Variants in ST8SIA6 observed in about 807,000 individuals in gnomAD.
The protein encoded by ST8SIA6 is alpha-2,8-sialyltransferase 8F.
In ST8SIA6, 39 loss-of-function variants were observed where a neutral mutation model predicts 33.6. The ratio of observed to expected loss-of-function variants is 1.16; its 90% CI spans 0.90 to 1.52. The LOEUF (loss-of-function observed/expected upper bound fraction) is 1.52, where lower values mean the gene tolerates loss of function less well. Ranked by LOEUF, ST8SIA6 falls within the 40% of genes most tolerant of loss-of-function variation. ST8SIA6 has a pLI of 0.00. For synonymous variants in ST8SIA6, 172 were observed against 167.2 expected (o/e 1.03, Z -0.22); for missense variants, 441 against 443.8 (o/e 0.99, Z 0.06).
At chr10:17,453,413 C>T in intron 2 of ST8SIA6, 146 bp downstream of exon 2, 3 of 517,038 alleles carry the variant, frequency 5.8e-6, no homozygotes. Context: ...CAACCCCGCG[C>T]CCTCTTCAAA....
chr10:17,422,169 TA>T (rs913887034), intron 2 of ST8SIA6, among the ~76,000 whole-genome samples: 1 of 152,108 alleles, frequency 6.6e-6, no homozygotes, highest in Non-Finnish European at 1.5e-5. Context: ...TTAATCACGC[TA>T]AAAGAGAAAA....
At position 17,333,717 on chromosome 10, in the gene ST8SIA6, A is replaced by ATT. The variant is rs71392102; in HGVS notation, c.378-2167_378-2166dup. Among the ~76,000 whole-genome samples, 254 of 33,710 alleles carry ATT rather than the reference A, an allele frequency of 7.5e-3. 38 individuals carry two copies. Among genetic ancestry groups the ATT allele is most frequent in the Middle Eastern group, 0.071 (1 of 14 alleles). 22.1% of individuals were successfully genotyped at this position (33,710 alleles called of 152,430 possible). On this transcript the variant is annotated intron_variant, in intron 4 of 7. Transcript: ENST00000377602. The stretch of plus-strand genomic sequence containing the variant: ...TATATATATATATATATATATATAT[A>ATT]TTTTTTTTTTTTTTTTTTTTTTTTG...
rs1436755380 is a variant in ST8SIA6, at chr10:17,319,038, C to T, written c.*1840G>A. ...CTATGCTAGAAAGAGAGTAGGAGAG[C>T]TTCAAACAATGGCCAACAACCCCAA... On this transcript the variant is annotated 3_prime_UTR_variant, in exon 8 of 8. Transcript: ENST00000377602. Among the ~76,000 whole-genome samples the T allele has an allele frequency of 6.6e-6, 1 of 152,110 alleles. No homozygotes were observed. Among genetic ancestry groups the T allele is most frequent in the Non-Finnish European group, 1.5e-5 (1 of 68,026 alleles).
At chr10:17,360,910 G>GA (rs541741162) in intron 3 of ST8SIA6, among the ~76,000 whole-genome samples, 2 of 98,896 alleles carry the variant, frequency 2.0e-5, no homozygotes, top group Non-Finnish European at 4.1e-5. Flanking sequence ...AGAAGAAGAA[G>GA]AGGAAGAAGG....
rs1420680866 is a variant in ST8SIA6 at position 17,319,194 on chromosome 10, G to C, written c.*1684C>G. Among the ~76,000 whole-genome samples, 4 of 152,204 alleles carry C rather than the reference G, an allele frequency of 2.6e-5. No homozygotes were observed. Among genetic ancestry groups the C allele is most frequent in the Non-Finnish European group, 5.9e-5 (4 of 68,040 alleles). ...ATCGATAATACACCACATCAGCTAT[G>C]TAAATCATAAAACATGCGTCACAGT... is the stretch of plus-strand genomic sequence containing the variant. On this transcript the variant is annotated 3_prime_UTR_variant, in exon 8 of 8. Transcript: ENST00000377602.
intron 2 of ST8SIA6, among the ~76,000 whole-genome samples, chr10:17,401,724 C>G (rs1464883721): frequency 6.6e-6 from 1 of 152,090 alleles, no homozygotes; most frequent in African/African-American, 2.4e-5. Flanking sequence ...AACTGGCTAG[C>G]CATATGTAGA....
intron 2 of ST8SIA6, among the ~76,000 whole-genome samples, chr10:17,449,065 T>C (rs1852824236): frequency 6.7e-6 from 1 of 149,912 alleles, no homozygotes; most frequent in Admixed American, 6.6e-5. Context: ...TATAAACAGT[T>C]TAGAATGTAT....
At chr10:17,346,112 T>A (rs567946108) in intron 4 of ST8SIA6, among the ~76,000 whole-genome samples, 1 of 152,208 alleles carries the variant, frequency 6.6e-6, no homozygotes, top group East Asian at 1.9e-4. Flanking sequence ...CCCAAAGGAA[T>A]TGAGCCTTCT....
At chr10:17,423,641 T>C (rs1851846902) in intron 2 of ST8SIA6, among the ~76,000 whole-genome samples, 1 of 152,208 alleles carries the variant, frequency 6.6e-6, no homozygotes, top group African/African-American at 2.4e-5. Context: ...CTGATGAGAA[T>C]ACAATAGCAG....
intron 2 of ST8SIA6, among the ~76,000 whole-genome samples, chr10:17,453,285 T>A (rs1195382255): frequency 6.6e-6 from 1 of 151,866 alleles, no homozygotes; most frequent in Non-Finnish European, 1.5e-5. Flanking sequence ...CACACCATTG[T>A]CGAGAGGAAA....
In ST8SIA6 at chr10:17,388,812, C is replaced by T. The variant is rs1235703702; in HGVS notation, c.290+1719G>A. 3.3e-5 allele frequency among the ~76,000 whole-genome samples: 5 copies of T among 152,130 alleles called. No homozygotes were observed. In the South Asian group the frequency reaches 6.2e-4, roughly 19 times the overall value. ...GAGTCTGAAACAAAATTGATAATAG[C>T]GCTTTCCTGAAAGGACCCCCTTCTG... is the stretch of plus-strand genomic sequence containing the variant. On this transcript the variant is annotated intron_variant, in intron 3 of 7. Coordinates refer to ENST00000377602, the MANE Select transcript of ST8SIA6 (RefSeq NM_001004470.3).
chr10:17,324,292 A>G (rs926162654), intron 6 of ST8SIA6, among the ~76,000 whole-genome samples: 4 of 152,152 alleles, frequency 2.6e-5, no homozygotes, highest in Non-Finnish European at 5.9e-5. Context: ...GTCCTATAAA[A>G]CACATGAATG....
At chr10:17,451,279 A>G (rs1227768477) in intron 2 of ST8SIA6, among the ~76,000 whole-genome samples, 17 of 152,240 alleles carry the variant, frequency 1.1e-4, no homozygotes. Context: ...TTACAGCAAC[A>G]GGAAGGGAAC....
intron 5 of ST8SIA6, among the ~76,000 whole-genome samples, chr10:17,330,846 C>T (rs1165339083): frequency 1.3e-5 from 2 of 152,176 alleles, no homozygotes; most frequent in Non-Finnish European, 2.9e-5. Flanking sequence ...GGTTTTATAT[C>T]ATATCATTAC....
chr10:17,442,059 G>T (rs1447657317), intron 2 of ST8SIA6, among the ~76,000 whole-genome samples: 1 of 151,944 alleles, frequency 6.6e-6, no homozygotes, highest in Non-Finnish European at 1.5e-5. Context: ...AGTAGAGATG[G>T]GGTTTCCTCA....
At chr10:17,427,977 C>T (rs1435756777) in intron 2 of ST8SIA6, among the ~76,000 whole-genome samples, 1 of 152,230 alleles carries the variant, frequency 6.6e-6, no homozygotes, top group African/African-American at 2.4e-5. Context: ...GCAAGAAGTA[C>T]ACAAGAGTCC....
intron 2 of ST8SIA6, among the ~76,000 whole-genome samples, chr10:17,418,766 G>C (rs1366945107): frequency 1.3e-5 from 2 of 152,150 alleles, no homozygotes; most frequent in African/African-American, 4.8e-5. Context: ...GCCGAGGCAG[G>C]TGAATCACTT....
chr10:17,358,585 G>A (rs1282031603), intron 4 of ST8SIA6, among the ~76,000 whole-genome samples: 2 of 151,250 alleles, frequency 1.3e-5, no homozygotes, highest in Non-Finnish European at 2.9e-5. Context: ...AAAGGAGGAG[G>A]AAGAGGAAGA....
At chr10:17,433,800 C>T (rs188687690) in intron 2 of ST8SIA6, among the ~76,000 whole-genome samples, 84 of 152,278 alleles carry the variant, frequency 5.5e-4, no homozygotes, top group Non-Finnish European at 9.1e-4. Context: ...GAGATAATGC[C>T]TGAATTATTT....
Sources: gnomAD v4.1 joint callset for allele counts (sites outside exome capture counted in the v4.1 genomes callset) on GRCh38, gnomAD v4.1.1 for gene constraint, MANE v1.5 for transcripts, NCBI Gene and HGNC (gene_info 2026-07-23, HGNC 2026-07-21) for gene names.